ARHGAP42: variants seen among roughly 807,000 people sequenced by gnomAD.
ARHGAP42 encodes rho GTPase-activating protein 42.
ARHGAP42 carries 63 observed loss-of-function variants against 125.0 expected under a neutral mutation model. That is an observed-to-expected ratio of 0.50 (90% confidence interval 0.41 to 0.62). The LOEUF is 0.62. Among genes scored for constraint, ARHGAP42 ranks in the 20% least tolerant of loss-of-function variants. The pLI is 0.00. For missense variants in ARHGAP42, 766 were observed against 1,024.2 expected (o/e 0.75, Z 3.44); for synonymous variants, 339 against 351.0 (o/e 0.97, Z 0.38).
chr11:100,783,728 C>T (rs1340398654), intron 2 of ARHGAP42, among the ~76,000 whole-genome samples: 1 of 152,144 alleles, frequency 6.6e-6, no homozygotes, highest in African/African-American at 2.4e-5. Flanking sequence ...CAATGCTGTG[C>T]AAATTTCCCA....
intron 4 of ARHGAP42, among the ~76,000 whole-genome samples, chr11:100,862,152 G>T (rs920856032): frequency 2.0e-5 from 3 of 152,156 alleles, no homozygotes; most frequent in African/African-American, 7.2e-5. Flanking sequence ...AGCAAACTGT[G>T]AGGTGTGGGT....
intron 4 of ARHGAP42, among the ~76,000 whole-genome samples, chr11:100,864,735 A>G (rs1865527249): frequency 6.6e-6 from 1 of 152,168 alleles, no homozygotes; most frequent in African/African-American, 2.4e-5. Context: ...GTTGTGAAAT[A>G]CTTCATTTTC....
chr11:100,852,263 A>G lies in ARHGAP42; in HGVS notation c.313-7291A>G, dbSNP rs532017000. 3.9e-5 allele frequency among the ~76,000 whole-genome samples: 6 copies of G among 152,282 alleles called. No homozygotes were observed. The East Asian group carries it at 1.2e-3, about 29-fold the overall frequency. ...AACTTTTAGCAATCTGCTATTATCTAAATACTGAACAATTATGATTAAATT... is the reference window on the plus strand; with the variant it reads ...AACTTTTAGCAATCTGCTATTATCTGAATACTGAACAATTATGATTAAATT... On this transcript the variant is annotated intron_variant, in intron 3 of 23. Transcript: ENST00000298815.
chr11:100,958,551 A>T (rs968962565), intron 12 of ARHGAP42, among the ~76,000 whole-genome samples: 6 of 152,044 alleles, frequency 3.9e-5, no homozygotes, highest in Non-Finnish European at 7.4e-5. Flanking sequence ...ACACACATAT[A>T]TATATATTTT....
Position 100,921,480 on chromosome 11 carries a change from G to T in ARHGAP42, c.487-14G>T, listed in dbSNP as rs187096137. 892 of 1,518,684 alleles carry T rather than the reference G, an allele frequency of 5.9e-4. 7 individuals carry two copies. The African/African-American group carries it at 0.011, about 19-fold the overall frequency. 94.1% of individuals were successfully genotyped at this position (1,518,684 alleles called of 1,614,324 possible). ...TAGAACCATCAGTAATCACCCTCTGGTTTTTCTCTTTAGGCAGATACACAA... is the reference window on the plus strand; with the variant it reads ...TAGAACCATCAGTAATCACCCTCTGTTTTTTCTCTTTAGGCAGATACACAA... On this transcript the variant is annotated splice_polypyrimidine_tract_variant and intron_variant, in intron 5 of 23. Coordinates refer to ENST00000298815, the MANE Select transcript of ARHGAP42 (RefSeq NM_152432.4).
intron 4 of ARHGAP42, among the ~76,000 whole-genome samples, chr11:100,910,076 T>C (rs1201563310): frequency 9.2e-5 from 14 of 152,180 alleles, no homozygotes; most frequent in Admixed American, 9.2e-4. Flanking sequence ...AAATGCAGTG[T>C]AGATTAGAAA....
At chr11:100,985,994 G>A in intron 22 of ARHGAP42, 2 of 455,900 alleles carry the variant, frequency 4.4e-6, no homozygotes, top group Admixed American at 4.7e-5. Flanking sequence ...GATAGATAAG[G>A]TGCCCTGAAT....
intron 3 of ARHGAP42, among the ~76,000 whole-genome samples, chr11:100,809,941 C>CA (rs555332159): frequency 0.013 from 1,684 of 134,492 alleles, 17 homozygotes; most frequent in African/African-American, 0.038. Context: ...ACTCTGTCTC[C>CA]AAAAAAAAAA....
chr11:100,977,847 A>G (rs563905622), intron 21 of ARHGAP42, among the ~76,000 whole-genome samples: 3 of 152,208 alleles, frequency 2.0e-5, no homozygotes, highest in Non-Finnish European at 4.4e-5. Context: ...CATTTTTAAT[A>G]TGATGGCATT....
intron 1 of ARHGAP42, among the ~76,000 whole-genome samples, chr11:100,768,069 G>A (rs772843718): frequency 4.6e-5 from 7 of 152,058 alleles, no homozygotes; most frequent in Non-Finnish European, 7.4e-5. Context: ...CATGAATGTC[G>A]GGGCTGCCAC....
intron 1 of ARHGAP42, among the ~76,000 whole-genome samples, chr11:100,739,197 A>T (rs1862127916): frequency 6.6e-6 from 1 of 151,954 alleles, no homozygotes; most frequent in Non-Finnish European, 1.5e-5. Context: ...AGATTCATTA[A>T]CTGGTTATCT....
At chr11:100,694,463 G>A (rs1005488381) in intron 1 of ARHGAP42, among the ~76,000 whole-genome samples, 1 of 152,174 alleles carries the variant, frequency 6.6e-6, no homozygotes, top group Non-Finnish European at 1.5e-5. Context: ...CTGATTTCTT[G>A]CGAGAGCTGT....
chr11:100,751,023 C>T (rs915015411), intron 1 of ARHGAP42, among the ~76,000 whole-genome samples: 1 of 148,210 alleles, frequency 6.7e-6, no homozygotes, highest in Non-Finnish European at 1.5e-5. Flanking sequence ...ACTGCAACTT[C>T]TACCTCCCAG....
intron 2 of ARHGAP42, 74 bp from the exon 3 acceptor site, chr11:100,795,031 A>G: frequency 1.7e-6 from 2 of 1,146,194 alleles, no homozygotes; most frequent in Middle Eastern, 2.9e-4. Context: ...CTTTCTTGTA[A>G]TGTTTCTTCT....
intron 1 of ARHGAP42, among the ~76,000 whole-genome samples, chr11:100,756,871 T>C (rs1400080836): frequency 6.6e-6 from 1 of 152,214 alleles, no homozygotes. Flanking sequence ...ATAAACAGCA[T>C]AGCATTTTAG....
chr11:100,969,922 G>A (rs1858195479), intron 17 of ARHGAP42, among the ~76,000 whole-genome samples: 1 of 152,012 alleles, frequency 6.6e-6, no homozygotes, highest in Non-Finnish European at 1.5e-5. Flanking sequence ...CTACTGTTTT[G>A]TAGCAACGAA....
In ARHGAP42 at chr11:100,989,396, G is replaced by T. The variant is rs1392083249; in HGVS notation, c.*595G>T. 9.2e-6 allele frequency: 3 copies of T among 325,626 alleles called. No individual in the cohort carries two copies. Among genetic ancestry groups the T allele is most frequent in the African/African-American group, 4.2e-5 (2 of 47,100 alleles). 20.2% of individuals were successfully genotyped at this position (325,626 alleles called of 1,614,324 possible). ...CAATAATGTATATGATATCTATAAAGGAAGCAAAATTAAGTCATACACTGA... is the reference window on the plus strand; with the variant it reads ...CAATAATGTATATGATATCTATAAATGAAGCAAAATTAAGTCATACACTGA... On this transcript the variant is annotated 3_prime_UTR_variant, in exon 24 of 24. Coordinates refer to ENST00000298815, the MANE Select transcript of ARHGAP42 (RefSeq NM_152432.4).
chr11:100,962,356 G>A (rs1279589238), intron 15 of ARHGAP42, 53 bp from the exon 16 acceptor site: 2 of 1,407,248 alleles, frequency 1.4e-6, no homozygotes, highest in African/African-American at 2.9e-5. Context: ...TAACGTTTAG[G>A]GGAGAATAAA....
intron 1 of ARHGAP42, among the ~76,000 whole-genome samples, chr11:100,752,057 G>A (rs1862473445): frequency 6.6e-6 from 1 of 152,060 alleles, no homozygotes; most frequent in South Asian, 2.1e-4. Flanking sequence ...TGGGATTACA[G>A]GCAGGAGCCA....
Sources: gnomAD v4.1 joint callset for allele counts (sites outside exome capture counted in the v4.1 genomes callset) on GRCh38, gnomAD v4.1.1 for gene constraint, MANE v1.5 for transcripts, NCBI Gene and HGNC (gene_info 2026-07-23, HGNC 2026-07-21) for gene names.